PIP5K1B: variants seen among roughly 807,000 people sequenced by gnomAD.
PIP5K1B encodes the protein phosphatidylinositol 4-phosphate 5-kinase type-1 beta.
PIP5K1B carries 42 observed loss-of-function variants against 67.0 expected under a neutral mutation model. That is an observed-to-expected ratio of 0.63 (90% CI 0.49 to 0.81). The LOEUF is 0.81. PIP5K1B is among the 30% of genes least tolerant of loss of function. The probability of loss-of-function intolerance (pLI) is 0.00; values close to 1 mark genes in which losing one functional copy is unlikely to be tolerated. For synonymous variants in PIP5K1B, 214 were observed against 231.4 expected (o/e 0.92, Z 0.68); for missense variants, 459 against 646.3 (o/e 0.71, Z 3.14).
At chr9:68,753,202 A>G (rs939386144) in intron 2 of PIP5K1B, among the ~76,000 whole-genome samples, 9 of 151,648 alleles carry the variant, frequency 5.9e-5, no homozygotes, top group South Asian at 2.1e-4. Flanking sequence ...TTAACATTTT[A>G]AAGAACAGAA....
At chr9:68,763,183 T>A (rs1227557891) in intron 2 of PIP5K1B, among the ~76,000 whole-genome samples, 1 of 151,962 alleles carries the variant, frequency 6.6e-6, no homozygotes, top group African/African-American at 2.4e-5. Context: ...CAAGAAAAAG[T>A]TGGATGATTT....
chr9:69,006,978 C>A (rs2133054566), intron 15 of PIP5K1B, among the ~76,000 whole-genome samples: 1 of 152,258 alleles, frequency 6.6e-6, no homozygotes, highest in African/African-American at 2.4e-5. Context: ...AGACAGCTAT[C>A]CTGGGAATGT....
At chr9:68,972,939 A>G (rs1436742544) in intron 14 of PIP5K1B, among the ~76,000 whole-genome samples, 1 of 152,222 alleles carries the variant, frequency 6.6e-6, no homozygotes, top group Non-Finnish European at 1.5e-5. Context: ...ATGAGCAAGG[A>G]CATCTAATAG....
At chr9:68,725,100 T>C (rs960179567) in intron 1 of PIP5K1B, among the ~76,000 whole-genome samples, 6 of 152,214 alleles carry the variant, frequency 3.9e-5, no homozygotes, top group African/African-American at 1.4e-4. Context: ...AAGAAGAATA[T>C]GTCTTTTGGC....
intron 8 of PIP5K1B, among the ~76,000 whole-genome samples, chr9:68,914,383 CT>C (rs1370692939): frequency 6.6e-6 from 1 of 152,094 alleles, no homozygotes; most frequent in Non-Finnish European, 1.5e-5. Context: ...TTGGAGGATG[CT>C]TTGGGCTGTG....
rs569664050 is a variant in PIP5K1B at position 68,980,106 on chromosome 9, G to A, written c.1503-11034G>A. On this transcript the variant is annotated intron_variant, in intron 14 of 15. Coordinates refer to ENST00000265382, the MANE Select transcript of PIP5K1B (RefSeq NM_003558.4). ...CTCTGTCCTGGCAGGAGCATGAGAT[G>A]TGCCACACGCTGATACTGTCCAGGC... 3.3e-5 allele frequency among the ~76,000 whole-genome samples: 5 copies of A among 152,336 alleles called. No homozygotes were observed. The East Asian group carries it at 9.7e-4, about 29-fold the overall frequency.
chr9:68,926,708 A>C (rs889261870), intron 12 of PIP5K1B, among the ~76,000 whole-genome samples: 2 of 152,046 alleles, frequency 1.3e-5, no homozygotes, highest in African/African-American at 4.8e-5. Flanking sequence ...AATAGCTGGG[A>C]TTACAGGCAT....
intron 4 of PIP5K1B, among the ~76,000 whole-genome samples, chr9:68,829,275 C>G (rs1048775390): frequency 1.3e-5 from 2 of 152,106 alleles, no homozygotes; most frequent in Non-Finnish European, 2.9e-5. Context: ...GGAAAGCCAC[C>G]ACTTCCATAA....
intron 2 of PIP5K1B, among the ~76,000 whole-genome samples, chr9:68,747,258 T>A (rs1052871568): frequency 6.8e-6 from 1 of 147,610 alleles, no homozygotes; most frequent in African/African-American, 2.5e-5. Context: ...ATGTGCACAT[T>A]CTTCTGGTGT....
intron 1 of PIP5K1B, among the ~76,000 whole-genome samples, chr9:68,724,989 T>C (rs934109704): frequency 2.0e-5 from 3 of 152,164 alleles, no homozygotes; most frequent in African/African-American, 7.2e-5. Context: ...GGCTGAATGT[T>C]CTATTTCTGA....
intron 2 of PIP5K1B, among the ~76,000 whole-genome samples, chr9:68,746,978 T>A (rs1479775304): frequency 1.3e-5 from 2 of 152,184 alleles, no homozygotes; most frequent in African/African-American, 2.4e-5. Context: ...CAGTTGGGGA[T>A]TCATGGGCTA....
chr9:68,850,824 A>G (rs1005726757), intron 4 of PIP5K1B, among the ~76,000 whole-genome samples: 1 of 152,234 alleles, frequency 6.6e-6, no homozygotes, highest in African/African-American at 2.4e-5. Context: ...TACACAGACA[A>G]ATGAAATATT....
chr9:68,793,032 T>TA (rs1449739398), intron 2 of PIP5K1B, among the ~76,000 whole-genome samples: 14 of 150,300 alleles, frequency 9.3e-5, no homozygotes, highest in Admixed American at 8.6e-4. Flanking sequence ...GTAACAAACA[T>TA]AAAAAATAAG....
chr9:68,815,442 C>G (rs1293375743), intron 2 of PIP5K1B, among the ~76,000 whole-genome samples: 7 of 151,646 alleles, frequency 4.6e-5, no homozygotes, highest in Admixed American at 2.0e-4. Context: ...AAAGAATGTA[C>G]ATATACACAT....
intron 4 of PIP5K1B, among the ~76,000 whole-genome samples, chr9:68,853,363 A>G (rs572818486): frequency 6.6e-6 from 1 of 152,304 alleles, no homozygotes; most frequent in South Asian, 2.1e-4. Context: ...ACTGTGAGAT[A>G]TGGAAGAGGA....
At chr9:68,908,140 A>G (rs1300930351) in intron 8 of PIP5K1B, among the ~76,000 whole-genome samples, 4 of 152,324 alleles carry the variant, frequency 2.6e-5, no homozygotes, top group South Asian at 2.1e-4. Context: ...CGTACCAGTT[A>G]AGCCACAATG....
At chr9:68,755,115 A>G (rs1829858572) in intron 2 of PIP5K1B, among the ~76,000 whole-genome samples, 1 of 152,248 alleles carries the variant, frequency 6.6e-6, no homozygotes. Flanking sequence ...TCAAACATTT[A>G]TGTAATGTAA....
chr9:68,808,336 C>G (rs999470253), intron 2 of PIP5K1B, among the ~76,000 whole-genome samples: 6 of 152,172 alleles, frequency 3.9e-5, no homozygotes, highest in Non-Finnish European at 7.3e-5. Context: ...AGTTAAATCT[C>G]CATGGATTCT....
chr9:68,792,986 T>C (rs1832066391), intron 2 of PIP5K1B, among the ~76,000 whole-genome samples: 1 of 140,676 alleles, frequency 7.1e-6, no homozygotes, highest in Non-Finnish European at 1.6e-5. Context: ...AGAACCCACA[T>C]TTTGCATACA....
Sources: allele counts gnomAD v4.1 joint callset (sites outside exome capture counted in the v4.1 genomes callset), GRCh38; gene constraint gnomAD v4.1.1; transcripts MANE v1.5; gene names NCBI Gene and HGNC (gene_info 2026-07-23, HGNC 2026-07-21).